Variants in CACNA1B observed in about 807,000 individuals in gnomAD.
CACNA1B encodes the protein calcium voltage-gated channel subunit alpha1 B.
CACNA1B carries 70 observed loss-of-function variants against 247.2 expected under a neutral mutation model. That is an observed-to-expected ratio of 0.28 (90% CI 0.23 to 0.35). The LOEUF is 0.35. Ranked by LOEUF, CACNA1B falls within the 10% of genes least tolerant of loss-of-function variation. The pLI is 1.00. For synonymous variants in CACNA1B, 1,231 were observed against 1,294.4 expected (o/e 0.95, Z 1.05); for missense variants, 2,367 against 3,197.4 (o/e 0.74, Z 6.26).
At chr9:138,046,237 G>A (rs1299987588) in intron 21 of CACNA1B, among the ~76,000 whole-genome samples, 1 of 152,216 alleles carries the variant, frequency 6.6e-6, no homozygotes, top group Non-Finnish European at 1.5e-5. Flanking sequence ...GGCAGGGTAG[G>A]TGCTCAGTAA....
intron 5 of CACNA1B, among the ~76,000 whole-genome samples, chr9:137,916,233 A>G (rs1204373883): frequency 1.3e-5 from 2 of 151,772 alleles, no homozygotes; most frequent in Non-Finnish European, 2.9e-5. Context: ...GGGTTTCACC[A>G]TGTTGCCCAG....
At chr9:137,967,694 GTCTC>G (rs60187913) in intron 10 of CACNA1B, among the ~76,000 whole-genome samples, 8 of 152,092 alleles carry the variant, frequency 5.3e-5, no homozygotes, top group South Asian at 2.1e-4. Flanking sequence ...CACTGCAAGT[GTCTC>G]TCTCTCTCAT....
At chr9:137,923,449 G>A (rs1957513560) in intron 6 of CACNA1B, among the ~76,000 whole-genome samples, 1 of 147,250 alleles carries the variant, frequency 6.8e-6, no homozygotes, top group East Asian at 2.0e-4. Flanking sequence ...GGCTCCAGGT[G>A]GTATTCCGTG....
At chr9:138,090,114 G>T (rs539150251) in intron 36 of CACNA1B, among the ~76,000 whole-genome samples, 1 of 152,188 alleles carries the variant, frequency 6.6e-6, no homozygotes, top group Admixed American at 6.5e-5. Flanking sequence ...AAAAGACCCT[G>T]GATAGCTTAA....
chr9:137,878,250 GC>G, intron 1 of CACNA1B, 33 bp downstream of exon 1: 1 of 1,208,784 alleles, frequency 8.3e-7, no homozygotes, highest in Non-Finnish European at 1.0e-6. Flanking sequence ...GCGGGGCCGG[GC>G]GGGGACCGGG....
chr9:137,993,363 G>C (rs1958457064), intron 15 of CACNA1B, among the ~76,000 whole-genome samples: 1 of 151,878 alleles, frequency 6.6e-6, no homozygotes, highest in Non-Finnish European at 1.5e-5. Context: ...TGTCTAGATA[G>C]ATTAAATTTT....
intron 2 of CACNA1B, among the ~76,000 whole-genome samples, chr9:137,879,843 A>G (rs1956892669): frequency 6.6e-6 from 1 of 152,020 alleles, no homozygotes; most frequent in Non-Finnish European, 1.5e-5. Context: ...GGGTCAGAGG[A>G]AGGGCAGCAT....
At position 137,970,599 on chromosome 9, in the gene CACNA1B, G is replaced by A. The variant is rs1191047307; in HGVS notation, c.1334-784G>A. Among the ~76,000 whole-genome samples the A allele has an allele frequency of 2.6e-5, 4 of 152,210 alleles. No individual in the cohort carries two copies. The East Asian group carries it at 7.7e-4, about 29-fold the overall frequency. The stretch of plus-strand genomic sequence containing the variant: ...GGCCACTGTCGGAGGTGAGCCGAGG[G>A]CCCTGTTCTAAATGGTGTGCCCAGA... On this transcript the variant is annotated intron_variant, in intron 10 of 46. Transcript: ENST00000371372.
chr9:137,982,104 C>T lies in CACNA1B; in HGVS notation c.1657-2034C>T, dbSNP rs571147406. Among the ~76,000 whole-genome samples, 9 of 152,288 alleles carry T rather than the reference C, an allele frequency of 5.9e-5. 1 individual carries two copies. In the East Asian group the frequency reaches 9.6e-4, roughly 16 times the overall value. ...AACAAATTATCCAAAAGCTTGGTGG[C>T]ATAAGAAAAATGTTTATTATTTCAC... On this transcript the variant is annotated intron_variant, in intron 12 of 46. Transcript: ENST00000371372.
rs1959582268 is a variant in CACNA1B at position 138,058,146 on chromosome 9, G to A, written c.4204G>A (p.Val1402Ile). The change falls in exon 28 of 47, where the codon GTC becomes ATC. Residue 1402 changes from valine to isoleucine, a missense_variant. Around this residue, in one of 12 missense-constraint regions of CACNA1B, gnomAD observed 436 missense variants for 679.5 expected, o/e 0.64. Transcript: ENST00000371372. This position sits in a 1 kb window ranked among gnomAD's most constrained non-coding sequence, Gnocchi z 4.7. ...LSIFYVVYFV[V>I]FPFFFVNIFV... ...CATCTTCTACGTGGTCTACTTTGTGGTCTTTCCCTTCTTCTTCGTCAACAT... is the reference window on the plus strand; with the variant it reads ...CATCTTCTACGTGGTCTACTTTGTGATCTTTCCCTTCTTCTTCGTCAACAT... 1 of 1,613,776 alleles carries A rather than the reference G, an allele frequency of 6.2e-7. No individual in the cohort carries two copies. Among genetic ancestry groups the A allele is most frequent in the African/African-American group, 1.3e-5 (1 of 74,930 alleles).
rs1038305075 is a variant in CACNA1B, at chr9:138,011,442, C to T, written c.2160+1365C>T. Among the ~76,000 whole-genome samples the T allele has an allele frequency of 6.6e-6, 1 of 152,214 alleles. No homozygotes were observed. The highest frequency in any genetic ancestry group is 1.5e-5 in the Non-Finnish European group (1 of 68,042). On this transcript the variant is annotated intron_variant, in intron 17 of 46. Transcript: ENST00000371372. This position sits in a 1 kb window ranked among gnomAD's most constrained non-coding sequence, Gnocchi z 4.2. Reference sequence around the variant, plus strand: ...GGGGCCACTGGGGGCCTGTCTGTGTCTGGCTGTGGGCATTTTTCTGGGCTG... The same window carrying T: ...GGGGCCACTGGGGGCCTGTCTGTGTTTGGCTGTGGGCATTTTTCTGGGCTG...
Position 138,045,812 on chromosome 9 carries a change from CAG to C in CACNA1B, c.3414-1091_3414-1090del, listed in dbSNP as rs373607808. ...CCAGGGATGAACAGCTCTGTGGACA[CAG>C]GGGCAGGAGCTAGATGGCTGAGTTC... On this transcript the variant is annotated intron_variant, in intron 21 of 46. Transcript: ENST00000371372. 3.3e-4 allele frequency among the ~76,000 whole-genome samples: 51 copies of C among 152,276 alleles called. No homozygotes were observed. In the East Asian group the frequency reaches 7.7e-3, roughly 23 times the overall value.
intron 6 of CACNA1B, among the ~76,000 whole-genome samples, chr9:137,925,034 G>A (rs1957533778): frequency 6.6e-6 from 1 of 152,216 alleles, no homozygotes; most frequent in African/African-American, 2.4e-5. Flanking sequence ...TCCGACCCGT[G>A]TCTGGTTTGT....
At chr9:137,983,116 C>T (rs908127162) in intron 12 of CACNA1B, among the ~76,000 whole-genome samples, 5 of 152,208 alleles carry the variant, frequency 3.3e-5, no homozygotes, top group African/African-American at 7.2e-5. Flanking sequence ...ATCAGCTTTG[C>T]AGTTGATGCG....
chr9:137,892,482 C>T (rs547802465), intron 3 of CACNA1B: 26 of 394,262 alleles, frequency 6.6e-5, no homozygotes, highest in South Asian at 9.3e-5. Flanking sequence ...CTGCAGAATC[C>T]GCCATAGTTC....
chr9:137,885,010 GCTCT>G (rs1385012749), intron 3 of CACNA1B, among the ~76,000 whole-genome samples: 1 of 102,914 alleles, frequency 9.7e-6, no homozygotes, highest in African/African-American at 4.0e-5. Flanking sequence ...TCCTCTCCAC[GCTCT>G]CTGTCTCTGG....
intron 39 of CACNA1B, among the ~76,000 whole-genome samples, chr9:138,111,729 G>T (rs978832107): frequency 6.6e-6 from 1 of 150,640 alleles, no homozygotes; most frequent in Non-Finnish European, 1.5e-5. Flanking sequence ...TAACCCTCCT[G>T]CCCACCCCTC....
At chr9:137,879,398 C>T (rs1308312082) in intron 2 of CACNA1B, among the ~76,000 whole-genome samples, 4 of 152,238 alleles carry the variant, frequency 2.6e-5, no homozygotes, top group Non-Finnish European at 5.9e-5. Flanking sequence ...CCCTGTGCCA[C>T]GAGCTACTCC....
intron 37 of CACNA1B, 91 bp downstream of exon 37, chr9:138,096,702 T>G: frequency 4.5e-6 from 6 of 1,332,114 alleles, no homozygotes; most frequent in Non-Finnish European, 6.2e-6. Context: ...ATGTTTCAAG[T>G]GAGCACCCCC....
Sources: gnomAD v4.1 joint callset for allele counts (sites outside exome capture counted in the v4.1 genomes callset) on GRCh38, gnomAD v4.1.1 for gene constraint, gnomAD v4.1.1 regional missense constraint, Gnocchi (gnomAD v3.1) non-coding constraint, MANE v1.5 for transcripts, NCBI Gene and HGNC (gene_info 2026-07-23, HGNC 2026-07-21) for gene names.